RAPGEF1: variants seen among roughly 807,000 people sequenced by gnomAD.
RAPGEF1 encodes the protein CRK SH3-binding GNRP.
A neutral mutation model predicts 143.3 loss-of-function variants in RAPGEF1; 33 were observed. The ratio of observed to expected loss-of-function variants is 0.23; its 90% CI spans 0.17 to 0.31. RAPGEF1 has a LOEUF of 0.31. Ranked by LOEUF, RAPGEF1 falls within the 10% of genes least tolerant of loss-of-function variation. RAPGEF1 has a pLI of 1.00. For missense variants in RAPGEF1, 1,199 were observed against 1,645.4 expected, an observed-to-expected ratio of 0.73 and a Z score of 4.69; for synonymous variants, 629 against 676.5, an observed-to-expected ratio of 0.93 and a Z score of 1.09.
At chr9:131,639,820 G>T (rs1377856917) in intron 4 of RAPGEF1, among the ~76,000 whole-genome samples, 3 of 152,204 alleles carry the variant, frequency 2.0e-5, no homozygotes, top group Non-Finnish European at 2.9e-5. Context: ...ATTAAAACAG[G>T]TTCTAAAAAC....
rs1266980197 is a variant in RAPGEF1 at position 131,627,939 on chromosome 9, G to A, written c.1175C>T (p.Ser392Phe). ...SSLDRDSGQC[S>F]RNTSCETLDH... ...TAGTGTTTCACAGCTTGTGTTCCGG[G>A]AGCACTGCCCACTGTCCCTGTCCAG... The change falls in exon 9 of 27, where the codon TCC becomes TTC. Residue 392 changes from serine (S) to phenylalanine (F), a missense_variant. By Grantham distance (155) the Ser-to-Phe change is radical. Coordinates refer to ENST00000683357, the MANE Select transcript of RAPGEF1 (RefSeq NM_001377935.1). The A allele has an allele frequency of 3.8e-6, 6 of 1,587,830 alleles. No homozygotes were observed. Among genetic ancestry groups the A allele is most frequent in the South Asian group, 1.1e-5 (1 of 87,048 alleles).
intron 1 of RAPGEF1, among the ~76,000 whole-genome samples, chr9:131,688,908 T>TA (rs1322487702): frequency 6.6e-6 from 1 of 152,036 alleles, no homozygotes; most frequent in Admixed American, 6.6e-5. Flanking sequence ...AAAATAAAAA[T>TA]AAAAAACAAG....
chr9:131,686,043 G>A (rs1459358589), intron 1 of RAPGEF1, among the ~76,000 whole-genome samples: 2 of 152,130 alleles, frequency 1.3e-5, no homozygotes, highest in African/African-American at 2.4e-5. Flanking sequence ...TCACTGATAC[G>A]ATTCTGGTGT....
intron 1 of RAPGEF1, chr9:131,737,655 G>A (rs1365086909): frequency 1.4e-5 from 19 of 1,336,074 alleles, no homozygotes; most frequent in Non-Finnish European, 1.7e-5. Context: ...GGGATGACAG[G>A]CAACTTTTTC....
intron 26 of RAPGEF1, 52 bp downstream of exon 26, chr9:131,580,211 G>A: frequency 1.9e-6 from 3 of 1,603,534 alleles, no homozygotes; most frequent in Admixed American, 3.3e-5. Flanking sequence ...CTCTCCTTGT[G>A]TGTGGCCCGG....
chr9:131,617,449 C>T (rs371435351), intron 12 of RAPGEF1, among the ~76,000 whole-genome samples: 1 of 152,252 alleles, frequency 6.6e-6, no homozygotes, highest in African/African-American at 2.4e-5. Flanking sequence ...GTCGAAGGCA[C>T]TGGGCATTGG....
At chr9:131,658,934 CAACTT>C (rs1199645587) in intron 1 of RAPGEF1, among the ~76,000 whole-genome samples, 1 of 152,190 alleles carries the variant, frequency 6.6e-6, no homozygotes, top group Non-Finnish European at 1.5e-5. Context: ...GTTTCTGTCT[CAACTT>C]AATCTCTCAC....
chr9:131,593,137 G>A (rs1588261182), intron 17 of RAPGEF1, among the ~76,000 whole-genome samples: 2 of 152,336 alleles, frequency 1.3e-5, no homozygotes, highest in African/African-American at 2.4e-5. Context: ...GGCTTGGGCC[G>A]GGTACCAAGG....
intron 1 of RAPGEF1, among the ~76,000 whole-genome samples, chr9:131,738,515 G>A (rs62582086): frequency 0.22 from 33,749 of 152,004 alleles, 4,303 homozygotes; most frequent in Non-Finnish European, 0.29. Flanking sequence ...CCCTGCCCCT[G>A]AGAAAAGCAC....
chr9:131,593,397 C>T (rs1328799746), intron 17 of RAPGEF1, among the ~76,000 whole-genome samples: 1 of 152,242 alleles, frequency 6.6e-6, no homozygotes, highest in Non-Finnish European at 1.5e-5. Flanking sequence ...CAGACTCACT[C>T]CCTGCAGCCA....
Position 131,583,615 on chromosome 9 carries a change from G to A in RAPGEF1, c.3414+696C>T, listed in dbSNP as rs981595460. 6.6e-6 allele frequency among the ~76,000 whole-genome samples: 1 copy of A among 152,062 alleles called. No homozygotes were observed. The highest frequency in any genetic ancestry group is 2.4e-5 in the African/African-American group (1 of 41,396). ...TGGGTGGCCTGGCTGACACTCAAAA[G>A]CCATGGGTTTTGCCCCCATTTGCAA... On this transcript the variant is annotated intron_variant, in intron 24 of 26. Coordinates refer to ENST00000683357, the MANE Select transcript of RAPGEF1 (RefSeq NM_001377935.1). This position sits in a 1 kb window ranked among gnomAD's most constrained non-coding sequence, Gnocchi z 4.7.
intron 1 of RAPGEF1, among the ~76,000 whole-genome samples, chr9:131,735,279 GC>G (rs1837343302): frequency 1.3e-5 from 2 of 152,176 alleles, no homozygotes; most frequent in South Asian, 4.1e-4. Context: ...AGCTGAGGAG[GC>G]CTTGGTCTGC....
In RAPGEF1 at chr9:131,629,126, G is replaced by C. The variant is rs755659873; in HGVS notation, c.869C>G (p.Pro290Arg). The change falls in exon 7 of 27, where the codon CCT (proline) becomes CGT (arginine). Residue 290 changes from proline (P) to arginine (R), a missense_variant. Physicochemically the swap from Pro to Arg is moderately radical, Grantham distance 103 (BLOSUM62 -2). This residue lies in a region of RAPGEF1 where 613 missense variants were observed against 710.9 expected (regional missense o/e 0.86). Transcript: ENST00000683357. Reference protein sequence around the residue: ...EEVAPPKPPLPGIRVVDNSPP... With the variant: ...EEVAPPKPPLRGIRVVDNSPP... ...CCTATTATCAACCACCCGAATGCCA[G>C]GCAGAGGAGGCTTGGGGGGCGCGAC... 1.2e-6 allele frequency: 2 copies of C among 1,613,956 alleles called. No homozygotes were observed. Among genetic ancestry groups the C allele is most frequent in the Admixed American group, 3.3e-5 (2 of 60,018 alleles).
intron 25 of RAPGEF1, among the ~76,000 whole-genome samples, chr9:131,581,195 AC>A (rs1951816287): frequency 1.3e-5 from 2 of 151,676 alleles, no homozygotes. Context: ...AGAGTTTGAA[AC>A]CAGCCTGGGC....
intron 1 of RAPGEF1, among the ~76,000 whole-genome samples, chr9:131,725,819 C>T (rs1487181225): frequency 2.8e-5 from 4 of 144,686 alleles, no homozygotes; most frequent in East Asian, 2.1e-4. Context: ...AGTGCAGTGG[C>T]GTGATCTCGG....
chr9:131,729,681 C>T (rs1836898997), intron 1 of RAPGEF1, among the ~76,000 whole-genome samples: 1 of 152,338 alleles, frequency 6.6e-6, no homozygotes, highest in African/African-American at 2.4e-5. Flanking sequence ...CAACCCACCC[C>T]TGGCGAGTCA....
chr9:131,591,075 A>T (rs886958251), intron 18 of RAPGEF1, among the ~76,000 whole-genome samples: 6 of 152,266 alleles, frequency 3.9e-5, no homozygotes, highest in African/African-American at 9.6e-5. Context: ...CAAGTCCTTG[A>T]CACGTGTGAG....
At chr9:131,734,735 C>T (rs1002588326) in intron 1 of RAPGEF1, among the ~76,000 whole-genome samples, 1 of 152,208 alleles carries the variant, frequency 6.6e-6, no homozygotes, top group Non-Finnish European at 1.5e-5. Context: ...ATCATAGGGC[C>T]TGTACTCTTA....
In RAPGEF1 at chr9:131,655,468, G is replaced by A. The variant is rs936753241; in HGVS notation, c.62-4519C>T. On this transcript the variant is annotated intron_variant, in intron 1 of 26. Transcript: ENST00000683357. This position sits in a 1 kb window ranked among gnomAD's most constrained non-coding sequence, Gnocchi z 4.1. ...GAACTGGGATGGTGTGACTTCTCCCGCTCCCCTCTGTCCTGCCTCTTCTCT... is the reference window on the plus strand; with the variant it reads ...GAACTGGGATGGTGTGACTTCTCCCACTCCCCTCTGTCCTGCCTCTTCTCT... 1.4e-4 allele frequency among the ~76,000 whole-genome samples: 21 copies of A among 152,162 alleles called. No individual in the cohort carries two copies. Among genetic ancestry groups the A allele is most frequent in the African/African-American group, 4.6e-4 (19 of 41,438 alleles).
Sources: gnomAD v4.1 joint callset for allele counts (sites outside exome capture counted in the v4.1 genomes callset) on GRCh38, gnomAD v4.1.1 for gene constraint, gnomAD v4.1.1 regional missense constraint, Gnocchi (gnomAD v3.1) non-coding constraint, MANE v1.5 for transcripts, NCBI Gene and HGNC (gene_info 2026-07-23, HGNC 2026-07-21) for gene names.